The following EPHA6 variants were observed in gnomAD, a reference collection of about 807,000 sequenced individuals.
The protein encoded by EPHA6 is ephrin type-A receptor 6.
Under a neutral mutation model 112.0 loss-of-function variants are expected in EPHA6, and 50 were observed. The observed-to-expected ratio is 0.45, with a 90% CI of 0.36 to 0.56. The LOEUF (loss-of-function observed/expected upper bound fraction) is 0.56, where lower values mean the gene tolerates loss of function less well. Ranked by LOEUF, EPHA6 falls within the 20% of genes least tolerant of loss-of-function variation. The pLI is 0.00. For synonymous variants in EPHA6, 529 were observed against 490.7 expected (o/e 1.08, Z -1.03); for missense variants, 1,280 against 1,417.4 (o/e 0.90, Z 1.56).
At chr3:97,489,575 A>G (rs897583633) in intron 10 of EPHA6, among the ~76,000 whole-genome samples, 2 of 150,902 alleles carry the variant, frequency 1.3e-5, no homozygotes, top group Non-Finnish European at 3.0e-5. Flanking sequence ...AGTCCCAGCT[A>G]CTCCGGAGGC....
At chr3:97,702,928 C>A (rs566258290) in intron 14 of EPHA6, among the ~76,000 whole-genome samples, 1 of 152,094 alleles carries the variant, frequency 6.6e-6, no homozygotes, top group Non-Finnish European at 1.5e-5. Context: ...AGCATGAACA[C>A]CCACTGTACT....
chr3:97,362,646 T>C (rs1489947847), intron 5 of EPHA6, among the ~76,000 whole-genome samples: 2 of 152,052 alleles, frequency 1.3e-5, no homozygotes, highest in East Asian at 1.9e-4. Context: ...GTATACTTTG[T>C]TTCATGCTAT....
intron 2 of EPHA6, among the ~76,000 whole-genome samples, chr3:96,981,224 A>G (rs996117919): frequency 4.6e-5 from 7 of 152,208 alleles, no homozygotes; most frequent in African/African-American, 1.7e-4. Context: ...GATACGTCCC[A>G]TCAGTACCTA....
At chr3:97,156,797 G>A (rs1281331741) in intron 3 of EPHA6, among the ~76,000 whole-genome samples, 2 of 152,066 alleles carry the variant, frequency 1.3e-5, no homozygotes, top group Admixed American at 6.6e-5. Flanking sequence ...TTGAGGAAGG[G>A]ACTAAATAGG....
intron 15 of EPHA6, among the ~76,000 whole-genome samples, chr3:97,730,077 T>C (rs2034967557): frequency 6.6e-6 from 1 of 152,092 alleles, no homozygotes; most frequent in South Asian, 2.1e-4. Flanking sequence ...CCTTATAACA[T>C]AAAAATGTGA....
At chr3:97,089,937 G>A (rs1032116037) in intron 3 of EPHA6, among the ~76,000 whole-genome samples, 18 of 151,990 alleles carry the variant, frequency 1.2e-4, no homozygotes, top group African/African-American at 3.6e-4. Context: ...CTGAATAAGG[G>A]ATAAAGCAAT....
At chr3:97,475,753 T>C (rs1418311682) in intron 8 of EPHA6, among the ~76,000 whole-genome samples, 1 of 152,100 alleles carries the variant, frequency 6.6e-6, no homozygotes, top group Non-Finnish European at 1.5e-5. Flanking sequence ...TAAAAAATAA[T>C]TTTCTTAAAA....
At chr3:97,628,487 G>C (rs562047252) in intron 13 of EPHA6, among the ~76,000 whole-genome samples, 1 of 151,940 alleles carries the variant, frequency 6.6e-6, no homozygotes, top group East Asian at 1.9e-4. Context: ...ATATCACTAA[G>C]AGTCATAAAA....
In EPHA6 at chr3:96,818,284, C is replaced by A. The variant is rs2032965718; in HGVS notation, c.385+3276C>A. Among the ~76,000 whole-genome samples, 4 of 152,044 alleles carry A rather than the reference C, an allele frequency of 2.6e-5. 1 individual carries two copies. The highest frequency in any genetic ancestry group is 6.8e-3 in the Middle Eastern group (2 of 294). On this transcript the variant is annotated intron_variant, in intron 1 of 17. Transcript: ENST00000389672. Reference sequence around the variant, plus strand: ...CATTCATTCAAAGATTATTCTGCAGCAAATACTACTTTATAGCCTAAATGA... The same window carrying A: ...CATTCATTCAAAGATTATTCTGCAGAAAATACTACTTTATAGCCTAAATGA...
intron 11 of EPHA6, among the ~76,000 whole-genome samples, chr3:97,584,021 T>G (rs1353609224): frequency 2.6e-5 from 4 of 152,190 alleles, no homozygotes; most frequent in African/African-American, 9.6e-5. Flanking sequence ...TGGGTCATCA[T>G]AAGCATATAA....
chr3:97,472,183 A>G (rs896754793), intron 7 of EPHA6, among the ~76,000 whole-genome samples: 5 of 151,730 alleles, frequency 3.3e-5, no homozygotes, highest in Non-Finnish European at 5.9e-5. Flanking sequence ...CATTCACCCC[A>G]CTATGGATAT....
intron 1 of EPHA6, among the ~76,000 whole-genome samples, chr3:96,855,199 G>A (rs2035622050): frequency 6.6e-6 from 1 of 152,002 alleles, no homozygotes. Context: ...ATTACATCAG[G>A]CCCACATAAA....
intron 7 of EPHA6, among the ~76,000 whole-genome samples, chr3:97,451,325 A>T (rs2090522517): frequency 6.6e-6 from 1 of 152,026 alleles, no homozygotes; most frequent in East Asian, 1.9e-4. Context: ...AACTTGTATA[A>T]CTTTACCAGA....
intron 4 of EPHA6, among the ~76,000 whole-genome samples, chr3:97,228,951 T>A (rs2078441567): frequency 6.6e-6 from 1 of 152,206 alleles, no homozygotes; most frequent in South Asian, 2.1e-4. Context: ...TGGTTTTGAT[T>A]TGCATTTCCT....
intron 3 of EPHA6, among the ~76,000 whole-genome samples, chr3:96,990,714 G>A (rs1472290338): frequency 1.1e-4 from 16 of 152,016 alleles, no homozygotes; most frequent in Admixed American, 1.0e-3. Context: ...TCATTTTAGA[G>A]TACTTACTTT....
intron 3 of EPHA6, among the ~76,000 whole-genome samples, chr3:97,019,053 A>G (rs1021317625): frequency 5.3e-5 from 8 of 152,306 alleles, no homozygotes; most frequent in African/African-American, 1.9e-4. Flanking sequence ...GGTTATGATT[A>G]TAGAGGGAGG....
intron 1 of EPHA6, among the ~76,000 whole-genome samples, chr3:96,851,191 A>G (rs2035362186): frequency 6.6e-6 from 1 of 152,100 alleles, no homozygotes; most frequent in Admixed American, 6.6e-5. Context: ...AAGTTTCCTA[A>G]TCTTTCCAGG....
At chr3:96,965,759 T>C (rs2107766079) in intron 2 of EPHA6, among the ~76,000 whole-genome samples, 1 of 152,258 alleles carries the variant, frequency 6.6e-6, no homozygotes, top group African/African-American at 2.4e-5. Flanking sequence ...GTTTATACTA[T>C]GTATTAATGT....
chr3:97,546,328 T>A (rs1038830066), intron 11 of EPHA6, among the ~76,000 whole-genome samples: 4 of 152,180 alleles, frequency 2.6e-5, no homozygotes, highest in Non-Finnish European at 5.9e-5. Flanking sequence ...TTATGAAGCT[T>A]AGTTTGGCTG....
Sources: gnomAD v4.1 joint callset for allele counts (sites outside exome capture counted in the v4.1 genomes callset) on GRCh38, gnomAD v4.1.1 for gene constraint, MANE v1.5 for transcripts, NCBI Gene and HGNC (gene_info 2026-07-23, HGNC 2026-07-21) for gene names.